The following EYA2 variants were observed in gnomAD, a reference collection of about 807,000 sequenced individuals.
EYA2 encodes EYA transcriptional coactivator and phosphatase 2.
A neutral mutation model predicts 69.2 loss-of-function variants in EYA2; 31 were observed. The ratio of observed to expected loss-of-function variants is 0.45; its 90% CI spans 0.34 to 0.60. EYA2 has a LOEUF of 0.60. EYA2 is among the 20% of genes least tolerant of loss of function. The pLI is 0.02. For missense variants in EYA2, 622 were observed against 701.2 expected (o/e 0.89, Z 1.28); for synonymous variants, 257 against 279.4 (o/e 0.92, Z 0.80).
Position 47,036,850 on chromosome 20 carries a change from A to G in EYA2, c.415+20553A>G, listed in dbSNP as rs573700825. ...TCAAATCCCAGTTCTGCCAGTTATC[A>G]ACTATGTGACAGGCAAGGGGCTTTG... is the stretch of plus-strand genomic sequence containing the variant. On this transcript the variant is annotated intron_variant, in intron 5 of 15. Transcript: ENST00000327619. Among the ~76,000 whole-genome samples the G allele has an allele frequency of 1.1e-3, 167 of 152,356 alleles. 1 individual carries two copies. Among genetic ancestry groups the G allele is most frequent in the African/African-American group, 3.9e-3 (162 of 41,586 alleles).
rs546393633 is a variant in EYA2 at position 47,018,877 on chromosome 20, C to T, written c.415+2580C>T. Reference sequence around the variant, plus strand: ...GATTCAGACTCCAGTTTCTCTGGTGCCACTTCCTCTAAATGATGAGATTTC... The same window carrying T: ...GATTCAGACTCCAGTTTCTCTGGTGTCACTTCCTCTAAATGATGAGATTTC... On this transcript the variant is annotated intron_variant, in intron 5 of 15. Transcript: ENST00000327619. 3.3e-5 allele frequency among the ~76,000 whole-genome samples: 5 copies of T among 152,158 alleles called. No homozygotes were observed. In the South Asian group the frequency reaches 6.2e-4, roughly 19 times the overall value.
At chr20:47,092,439 G>A (rs998928552) in intron 8 of EYA2, among the ~76,000 whole-genome samples, 3 of 152,120 alleles carry the variant, frequency 2.0e-5, no homozygotes, top group Non-Finnish European at 2.9e-5. Flanking sequence ...GAAAGAAAAC[G>A]TATTGGCGTC....
At chr20:46,931,134 C>T (rs945802401) in intron 1 of EYA2, among the ~76,000 whole-genome samples, 2 of 152,176 alleles carry the variant, frequency 1.3e-5, no homozygotes, top group African/African-American at 4.8e-5. Flanking sequence ...TGCCAGCTAG[C>T]TGTCATGATG....
intron 4 of EYA2, among the ~76,000 whole-genome samples, chr20:47,015,626 T>A (rs1337375915): frequency 6.6e-6 from 1 of 151,986 alleles, no homozygotes; most frequent in Non-Finnish European, 1.5e-5. Flanking sequence ...ATGTACAAAA[T>A]ATGAGACCTT....
At chr20:46,923,861 T>C (rs957102673) in intron 1 of EYA2, among the ~76,000 whole-genome samples, 2 of 152,218 alleles carry the variant, frequency 1.3e-5, no homozygotes, top group African/African-American at 4.8e-5. Flanking sequence ...ACAGTATTTC[T>C]CAAAACATGG....
At chr20:46,989,877 T>C (rs1229311647) in intron 1 of EYA2, 124 bp from the exon 2 acceptor site, 14 of 505,908 alleles carry the variant, frequency 2.8e-5, no homozygotes, top group Non-Finnish European at 5.1e-5. Context: ...TCATGTAGAA[T>C]TTATAAGAAG....
chr20:46,904,835 G>A (rs904794491), intron 1 of EYA2, among the ~76,000 whole-genome samples: 2 of 152,128 alleles, frequency 1.3e-5, no homozygotes, highest in African/African-American at 4.8e-5. Context: ...ATGGCGGATT[G>A]TATCACTGGG....
chr20:47,005,064 C>T lies in EYA2; in HGVS notation c.278C>T (p.Ala93Val). ...PYTAYPPPAQ[A>V]YGIPSYSIKT... ...ACAGCTTACCCACCTCCAGCACAAGCCTATGGAATCCCTTCCTACAGTGAG... is the reference window on the plus strand; with the variant it reads ...ACAGCTTACCCACCTCCAGCACAAGTCTATGGAATCCCTTCCTACAGTGAG... Residue 93 changes from alanine (A) to valine (V), a missense_variant, in exon 4 of 16, where the codon GCC (alanine) becomes GTC (valine). Ala to Val is a moderately conservative substitution (Grantham distance 64, BLOSUM62 0). Coordinates refer to ENST00000327619, the MANE Select transcript of EYA2 (RefSeq NM_005244.5). The T allele has an allele frequency of 1.2e-6, 2 of 1,613,730 alleles. No individual in the cohort carries two copies. The highest frequency in any genetic ancestry group is 1.7e-6 in the Non-Finnish European group (2 of 1,179,800).
At chr20:47,046,611 G>T (rs1246588442) in intron 5 of EYA2, among the ~76,000 whole-genome samples, 1 of 152,098 alleles carries the variant, frequency 6.6e-6, no homozygotes, top group African/African-American at 2.4e-5. Context: ...GGTGGGCTGG[G>T]TCCAAGCCCT....
chr20:46,965,108 A>G (rs952889473), intron 1 of EYA2, among the ~76,000 whole-genome samples: 5 of 152,154 alleles, frequency 3.3e-5, no homozygotes, highest in Non-Finnish European at 7.4e-5. Context: ...CCTGCATCGC[A>G]GGAGTGTGGT....
At chr20:47,185,545 G>A (rs146456856) in intron 15 of EYA2, among the ~76,000 whole-genome samples, 37 of 151,992 alleles carry the variant, frequency 2.4e-4, no homozygotes, top group African/African-American at 6.0e-4. Context: ...CAGGTGATCC[G>A]ACCACCTCAG....
intron 1 of EYA2, among the ~76,000 whole-genome samples, chr20:46,943,045 C>A (rs1326222306): frequency 6.6e-6 from 1 of 152,204 alleles, no homozygotes; most frequent in East Asian, 1.9e-4. Context: ...GGATTATGGG[C>A]GTGAGCCTGC....
At chr20:47,040,090 C>T (rs1013347599) in intron 5 of EYA2, among the ~76,000 whole-genome samples, 1 of 152,068 alleles carries the variant, frequency 6.6e-6, no homozygotes, top group Non-Finnish European at 1.5e-5. Context: ...ACCCACCCAC[C>T]TCGGCCACCC....
intron 9 of EYA2, among the ~76,000 whole-genome samples, chr20:47,110,767 G>A (rs6018283): frequency 0.31 from 47,140 of 152,050 alleles, 8,193 homozygotes; most frequent in African/African-American, 0.47. Flanking sequence ...TTTCACTTGT[G>A]TGATGGCAAA....
At chr20:47,077,926 G>T (rs1465563225) in intron 7 of EYA2, among the ~76,000 whole-genome samples, 1 of 152,296 alleles carries the variant, frequency 6.6e-6, no homozygotes. Context: ...ACATTGATGA[G>T]AAATTAGGGC....
chr20:47,073,886 T>C (rs1386965674), intron 6 of EYA2, among the ~76,000 whole-genome samples: 2 of 152,120 alleles, frequency 1.3e-5, no homozygotes, highest in East Asian at 3.9e-4. Flanking sequence ...GGCTCATCTC[T>C]GGTCACTACC....
At chr20:46,972,494 G>A (rs1980201922) in intron 1 of EYA2, among the ~76,000 whole-genome samples, 1 of 152,302 alleles carries the variant, frequency 6.6e-6, no homozygotes, top group Non-Finnish European at 1.5e-5. Context: ...ATTAGCTGTG[G>A]GACCTGAGGA....
intron 9 of EYA2, 27 bp downstream of exon 9, chr20:47,097,195 T>G (rs773190478): frequency 6.4e-7 from 1 of 1,553,124 alleles, no homozygotes; most frequent in South Asian, 1.1e-5. Flanking sequence ...TCTCTCTCTC[T>G]CTTTTTTTGT....
chr20:47,095,792 T>A (rs2032229510), intron 8 of EYA2: 1 of 152,204 alleles, frequency 6.6e-6, no homozygotes, highest in Admixed American at 6.5e-5. Flanking sequence ...TCAGGAAGAT[T>A]ACTTTCCATG....
Sources: allele counts gnomAD v4.1 joint callset (sites outside exome capture counted in the v4.1 genomes callset), GRCh38; gene constraint gnomAD v4.1.1; transcripts MANE v1.5; gene names NCBI Gene and HGNC (gene_info 2026-07-23, HGNC 2026-07-21).